Variants in SLC46A2 observed in about 807,000 individuals in gnomAD.
SLC46A2 encodes the protein solute carrier family 46 member 2.
In SLC46A2, 25 loss-of-function variants were observed where a neutral mutation model predicts 33.1. The observed-to-expected ratio is 0.76, with a 90% CI of 0.55 to 1.06. The LOEUF (loss-of-function observed/expected upper bound fraction) is 1.06. Among genes scored for constraint, SLC46A2 ranks in the 50% least tolerant of loss-of-function variants. SLC46A2 has a pLI of 0.00. For synonymous variants in SLC46A2, 254 were observed against 275.9 expected, an observed-to-expected ratio of 0.92 and a Z score of 0.79; for missense variants, 622 against 621.7, an observed-to-expected ratio of 1.00 and a Z score of 0.00.
At chr9:112,887,995 C>T (rs1386084154) in intron 1 of SLC46A2, among the ~76,000 whole-genome samples, 2 of 150,946 alleles carry the variant, frequency 1.3e-5, no homozygotes, top group Non-Finnish European at 3.0e-5. Context: ...TAGAGACAGA[C>T]AGCCAGGCGT....
chr9:112,890,259 C>T lies in SLC46A2; in HGVS notation c.423G>A (p.Ala141=). 6.2e-7 allele frequency: 1 copy of T among 1,613,248 alleles called. No homozygotes were observed. The highest frequency in any genetic ancestry group is 1.1e-5 in the South Asian group (1 of 91,086). ...WPVEVLYGAA[A]LNGLFGGFSA... ...AGAAGCCGCCGAATAGCCCGTTCAG[C>T]GCCGCCGCCCCGTACAGCACCTCCA... The change falls in exon 1 of 4, where the codon GCG becomes GCA. Residue 141 remains alanine, a synonymous_variant. Coordinates refer to ENST00000374228, the MANE Select transcript of SLC46A2 (RefSeq NM_033051.4). This position sits in a 1 kb window ranked among gnomAD's most constrained non-coding sequence, Gnocchi z 6.0.
Position 112,889,659 on chromosome 9 carries a change from G to A in SLC46A2, c.1023C>T (p.Phe341=), listed in dbSNP as rs914473532. 24 of 1,614,020 alleles carry A rather than the reference G, an allele frequency of 1.5e-5. No homozygotes were observed. Among genetic ancestry groups the A allele is most frequent in the Non-Finnish European group, 1.9e-5 (23 of 1,180,026 alleles). ...FITSFLGVLV[F]SRCFRDTTMI... Reference sequence around the variant, plus strand: ...TGGTGGTGTCCCGAAAGCAGCGGGAGAAGACCAGGACACCCAGGAAGCTGG... The same window carrying A: ...TGGTGGTGTCCCGAAAGCAGCGGGAAAAGACCAGGACACCCAGGAAGCTGG... Residue 341 remains phenylalanine (F), a synonymous_variant, in exon 1 of 4, where the codon TTC becomes TTT. Transcript: ENST00000374228.
Position 112,890,412 on chromosome 9 carries a change from C to T in SLC46A2, c.270G>A (p.Leu90=). ...IYNLVVGLSP[L]LSAYGLGWLS... ...GCCATCCCAGCCCGTAGGCGGACAGCAGGGGGGACAGGCCCACCACAAGGT... is the reference window on the plus strand; with the variant it reads ...GCCATCCCAGCCCGTAGGCGGACAGTAGGGGGGACAGGCCCACCACAAGGT... The change falls in exon 1 of 4, where the codon CTG becomes CTA. Residue 90 remains leucine, a synonymous_variant. Coordinates refer to ENST00000374228, the MANE Select transcript of SLC46A2 (RefSeq NM_033051.4). The surrounding 1 kb of genome is among the most constrained non-coding windows in gnomAD (Gnocchi z 6.0). The T allele has an allele frequency of 6.2e-7, 1 of 1,614,206 alleles. No individual in the cohort carries two copies. Among genetic ancestry groups the T allele is most frequent in the Non-Finnish European group, 8.5e-7 (1 of 1,180,040 alleles).
At chr9:112,879,899 A>C (rs1841557116) in intron 3 of SLC46A2, 80 bp from the exon 4 acceptor site, 11 of 1,363,842 alleles carry the variant, frequency 8.1e-6, no homozygotes, top group Non-Finnish European at 1.0e-5. Context: ...AGGGTTAATG[A>C]TAATTACAAG....
chr9:112,887,211 T>C (rs953645745), intron 2 of SLC46A2, 119 bp downstream of exon 2: 5 of 843,436 alleles, frequency 5.9e-6, no homozygotes, highest in Non-Finnish European at 9.4e-6. Context: ...GTGTTTCTAG[T>C]GTCTTCAAAG....
At chr9:112,885,770 C>CT (rs1471611699) in intron 3 of SLC46A2, 2 of 152,184 alleles carry the variant, frequency 1.3e-5, no homozygotes, top group African/African-American at 4.8e-5. Flanking sequence ...TCACCTGTCA[C>CT]TTTTCTCTTT....
chr9:112,886,942 T>A (rs1383959994), intron 2 of SLC46A2, among the ~76,000 whole-genome samples: 1 of 152,164 alleles, frequency 6.6e-6, no homozygotes, highest in African/African-American at 2.4e-5. Flanking sequence ...TTGTCCAGGC[T>A]GGTCTTGAAC....
chr9:112,889,919 T>G lies in SLC46A2; in HGVS notation c.763A>C (p.Thr255Pro). ...TGGTCCAACTGATCAGGATCCAGAG[T>G]GCGGTATGTGCCAACCGTGCCAGAC... ...TVSGTVGTYR[T>P]LDPDQLDQQY... The change falls in exon 1 of 4, where the codon ACT becomes CCT. Residue 255 changes from threonine (T) to proline (P), a missense_variant. Physicochemically the swap from Thr to Pro is conservative, Grantham distance 38. Coordinates refer to ENST00000374228, the MANE Select transcript of SLC46A2 (RefSeq NM_033051.4). 6.2e-7 allele frequency: 1 copy of G among 1,614,062 alleles called. No individual in the cohort carries two copies. The highest frequency in any genetic ancestry group is 8.5e-7 in the Non-Finnish European group (1 of 1,180,024).
Position 112,879,396 on chromosome 9 carries a change from A to G in SLC46A2, c.*366T>C. The G allele has an allele frequency of 4.9e-6, 1 of 206,006 alleles. No homozygotes were observed. The highest frequency in any genetic ancestry group is 9.9e-6 in the Non-Finnish European group (1 of 101,324). The allele number at this position is 206,006 out of a possible 1,614,324, so 12.8% of individuals were successfully genotyped here. The stretch of plus-strand genomic sequence containing the variant: ...TAGTTAGCTATACTTTGGAGCCCTC[A>G]AGACAGTCCCTTGAAGAAAAGGGGC... On this transcript the variant is annotated 3_prime_UTR_variant, in exon 4 of 4. Transcript: ENST00000374228.
chr9:112,886,717 ACTCTCT>A (rs755827609), intron 2 of SLC46A2, 101 bp from the exon 3 acceptor site: 211 of 1,128,382 alleles, frequency 1.9e-4, no homozygotes, highest in Non-Finnish European at 2.4e-4. Context: ...CTTCCTTCTT[ACTCTCT>A]CTCTCTCTCT....
At chr9:112,887,979 G>A (rs1475153984) in intron 1 of SLC46A2, among the ~76,000 whole-genome samples, 1 of 151,570 alleles carries the variant, frequency 6.6e-6, no homozygotes, top group East Asian at 2.0e-4. Flanking sequence ...GCACAAGAGA[G>A]ACAGATAGAG....
Position 112,890,013 on chromosome 9 carries a change from G to T in SLC46A2, c.669C>A (p.Ser223Arg), listed in dbSNP as rs745422455. 40 of 1,613,988 alleles carry T rather than the reference G, an allele frequency of 2.5e-5. No individual in the cohort carries two copies. The highest frequency in any genetic ancestry group is 3.4e-5 in the Non-Finnish European group (40 of 1,180,032). ...VSCASFALLYSLLVLKVPESV... is the reference protein window; with the variant it reads ...VSCASFALLYRLLVLKVPESV... ...ACTCAGGGACCTTTAGCACCAAAAG[G>T]CTGTAGAGCAGGGCAAACGAGGCAC... Residue 223 changes from serine (S) to arginine (R), a missense_variant, in exon 1 of 4, where the codon AGC becomes AGA. Transcript: ENST00000374228. The surrounding 1 kb of genome is among the most constrained non-coding windows in gnomAD (Gnocchi z 6.0).
intron 3 of SLC46A2, among the ~76,000 whole-genome samples, chr9:112,884,348 C>T (rs1333378199): frequency 6.6e-6 from 1 of 152,212 alleles, no homozygotes; most frequent in East Asian, 1.9e-4. Flanking sequence ...AGCTTTTCTT[C>T]CTGTGGTTCG....
At position 112,890,698 on chromosome 9, in the gene SLC46A2, G is replaced by A. The variant is rs775098766; in HGVS notation, c.-17C>T. The A allele has an allele frequency of 1.0e-5, 16 of 1,576,528 alleles. No homozygotes were observed. Among genetic ancestry groups the A allele is most frequent in the Non-Finnish European group, 1.3e-5 (15 of 1,167,958 alleles). ...GGGGCTCATGTGACCTCTCTGATGG[G>A]GATCGAAGGGCTTTCTGGCTGCAGT... On this transcript the variant is annotated 5_prime_UTR_variant, in exon 1 of 4. Coordinates refer to ENST00000374228, the MANE Select transcript of SLC46A2 (RefSeq NM_033051.4). The surrounding 1 kb of genome is among the most constrained non-coding windows in gnomAD (Gnocchi z 6.0).
At position 112,890,649 on chromosome 9, in the gene SLC46A2, G is replaced by A. The variant is rs2131549245; in HGVS notation, c.33C>T (p.Gly11=). 6.3e-7 allele frequency: 1 copy of A among 1,599,722 alleles called. No homozygotes were observed. The highest frequency in any genetic ancestry group is 8.5e-7 in the Non-Finnish European group (1 of 1,179,614). Residue 11 remains glycine, a synonymous_variant, in exon 1 of 4, where the codon GGC becomes GGT. Transcript: ENST00000374228. The surrounding 1 kb of genome is among the most constrained non-coding windows in gnomAD (Gnocchi z 6.0). ...TCCTCGGGTGGAAGCGAGGCAGGTGGCCCCTCCGCGGGCAGGTGACCTCGG... is the reference window on the plus strand; with the variant it reads ...TCCTCGGGTGGAAGCGAGGCAGGTGACCCCTCCGCGGGCAGGTGACCTCGG... MSPEVTCPRR[G]HLPRFHPRTW... is the part of the protein sequence containing the mutation.
chr9:112,890,067 G>T lies in SLC46A2; in HGVS notation c.615C>A (p.Gly205=). 6.2e-7 allele frequency: 1 copy of T among 1,613,820 alleles called. No homozygotes were observed. Among genetic ancestry groups the T allele is most frequent in the Non-Finnish European group, 8.5e-7 (1 of 1,180,004 alleles). ...TCACGCTGCAGGCCGTCAGTATCAG[G>T]CCCTGCCCAGAGTGCCCAGCCATCT... The part of the protein sequence containing the change: ...FKQMAGHSGQ[G]LILTACSVSC... Residue 205 remains glycine (G), a synonymous_variant, in exon 1 of 4, where the codon GGC becomes GGA. Transcript: ENST00000374228. This position sits in a 1 kb window ranked among gnomAD's most constrained non-coding sequence, Gnocchi z 6.0.
At chr9:112,887,307 G>T in intron 2 of SLC46A2, 23 bp downstream of exon 2, 1 of 1,608,772 alleles carries the variant, frequency 6.2e-7, no homozygotes, top group Non-Finnish European at 8.5e-7. Context: ...GAAGATTCCA[G>T]AGAGATTCTG....
chr9:112,884,388 C>T (rs1171538657), intron 3 of SLC46A2, among the ~76,000 whole-genome samples: 1 of 152,226 alleles, frequency 6.6e-6, no homozygotes, highest in Non-Finnish European at 1.5e-5. Flanking sequence ...CTGTTGCTCT[C>T]CCTGAAGATT....
Position 112,890,135 on chromosome 9 carries a change from C to T in SLC46A2, c.547G>A (p.Ala183Thr). ...GAAGCCATGCTCCCGCAGAACCCCG[C>T]CAAGCCCAGCATCAGGTCAATGAGG... The part of the protein sequence containing the change: ...LILIDLMLGL[A>T]GFCGSMASGH... Residue 183 changes from alanine (A) to threonine (T), a missense_variant, in exon 1 of 4, where the codon GCG becomes ACG. Coordinates refer to ENST00000374228, the MANE Select transcript of SLC46A2 (RefSeq NM_033051.4). This position sits in a 1 kb window ranked among gnomAD's most constrained non-coding sequence, Gnocchi z 6.0. 6.2e-7 allele frequency: 1 copy of T among 1,613,484 alleles called. No individual in the cohort carries two copies. The highest frequency in any genetic ancestry group is 8.5e-7 in the Non-Finnish European group (1 of 1,179,898).
Sources: gnomAD v4.1 joint callset for allele counts (sites outside exome capture counted in the v4.1 genomes callset) on GRCh38, gnomAD v4.1.1 for gene constraint, Gnocchi (gnomAD v3.1) non-coding constraint, MANE v1.5 for transcripts, NCBI Gene and HGNC (gene_info 2026-07-23, HGNC 2026-07-21) for gene names.